The following ABTB2 variants were observed in gnomAD, a reference collection of about 807,000 sequenced individuals.
ABTB2 encodes ankyrin repeat and BTB/POZ domain-containing protein 2.
In ABTB2, 56 loss-of-function variants were observed where a neutral mutation model predicts 104.1. The ratio of observed to expected loss-of-function variants is 0.54; its 90% CI spans 0.43 to 0.67. The LOEUF (loss-of-function observed/expected upper bound fraction) is 0.67. ABTB2 is among the 30% of genes least tolerant of loss of function. The pLI, the probability that ABTB2 is intolerant of heterozygous loss-of-function variation, is 0.00. For missense variants in ABTB2, 1,279 were observed against 1,407.7 expected, an observed-to-expected ratio of 0.91 and a Z score of 1.46; for synonymous variants, 606 against 608.2, an observed-to-expected ratio of 1.00 and a Z score of 0.05.
intron 1 of ABTB2, among the ~76,000 whole-genome samples, chr11:34,275,923 C>T (rs1439580148): frequency 1.3e-5 from 2 of 152,184 alleles, no homozygotes; most frequent in South Asian, 2.1e-4. Context: ...AGACAGCTGT[C>T]GTCCTGGAAG....
chr11:34,208,729 C>A (rs922736482), intron 1 of ABTB2, among the ~76,000 whole-genome samples: 3 of 152,082 alleles, frequency 2.0e-5, no homozygotes, highest in African/African-American at 7.2e-5. Flanking sequence ...GCACCGTGGC[C>A]ACCCGGTTGC....
intron 1 of ABTB2, among the ~76,000 whole-genome samples, chr11:34,349,155 G>A (rs1350410412): frequency 2.6e-5 from 4 of 152,206 alleles, no homozygotes; most frequent in Admixed American, 2.6e-4. Context: ...TGACAGGCCA[G>A]CAAAACACAA....
At chr11:34,172,362 ACT>A (rs1327778703) in intron 4 of ABTB2, among the ~76,000 whole-genome samples, 4 of 126,498 alleles carry the variant, frequency 3.2e-5, no homozygotes, top group Non-Finnish European at 4.9e-5. Context: ...ACAGAGTGAA[ACT>A]CTGTCTCAAA....
intron 1 of ABTB2, among the ~76,000 whole-genome samples, chr11:34,321,731 C>T (rs147095571): frequency 2.0e-5 from 3 of 152,312 alleles, no homozygotes; most frequent in Admixed American, 6.5e-5. Flanking sequence ...TGGCAGCTGC[C>T]GCAGCTCTAG....
chr11:34,236,054 G>T (rs1477918760), intron 1 of ABTB2, among the ~76,000 whole-genome samples: 1 of 152,172 alleles, frequency 6.6e-6, no homozygotes, highest in East Asian at 1.9e-4. Context: ...GTGGACATCG[G>T]GTGCAGGCTG....
At chr11:34,339,707 C>T (rs1855239443) in intron 1 of ABTB2, among the ~76,000 whole-genome samples, 1 of 152,106 alleles carries the variant, frequency 6.6e-6, no homozygotes, top group Admixed American at 6.5e-5. Flanking sequence ...GTTTAAACTC[C>T]TCTCTTGTAA....
At chr11:34,225,808 G>C (rs189930509) in intron 1 of ABTB2, among the ~76,000 whole-genome samples, 1 of 152,186 alleles carries the variant, frequency 6.6e-6, no homozygotes, top group African/African-American at 2.4e-5. Flanking sequence ...GGTGGGCAGA[G>C]AAAAGGAGAA....
intron 1 of ABTB2, among the ~76,000 whole-genome samples, chr11:34,284,596 A>G (rs1158030181): frequency 6.6e-6 from 1 of 152,180 alleles, no homozygotes; most frequent in Admixed American, 6.5e-5. Context: ...AGTGGAAGAC[A>G]GAGGTGAGGA....
At chr11:34,318,097 G>A (rs1439263679) in intron 1 of ABTB2, among the ~76,000 whole-genome samples, 3 of 152,024 alleles carry the variant, frequency 2.0e-5, no homozygotes, top group African/African-American at 7.2e-5. Context: ...CTCCCAAGTA[G>A]CTGGGACTAC....
At chr11:34,242,252 C>G (rs1415274611) in intron 1 of ABTB2, among the ~76,000 whole-genome samples, 1 of 152,220 alleles carries the variant, frequency 6.6e-6, no homozygotes, top group African/African-American at 2.4e-5. Flanking sequence ...TAGCCACACC[C>G]TCCTGATCTA....
rs141511429 is a variant in ABTB2 at position 34,326,990 on chromosome 11, G to A, written c.883+29711C>T. On this transcript the variant is annotated intron_variant, in intron 1 of 16. Transcript: ENST00000435224. ...TACCCAGGAGGCTGACAGGAGAATC[G>A]CTTAAACCCGGGAGGTGGAGGTTGC... is the stretch of plus-strand genomic sequence containing the variant. Among the ~76,000 whole-genome samples, 1,084 of 152,106 alleles carry A rather than the reference G, an allele frequency of 7.1e-3. 8 individuals are homozygous for A. The highest frequency in any genetic ancestry group is 0.025 in the African/African-American group (1,033 of 41,472).
chr11:34,164,747 T>G lies in ABTB2; in HGVS notation c.1927A>C (p.Met643Leu). The G allele has an allele frequency of 6.4e-7, 1 of 1,558,018 alleles. No individual in the cohort carries two copies. Among genetic ancestry groups the G allele is most frequent in the Non-Finnish European group, 8.6e-7 (1 of 1,162,050 alleles). Residue 643 changes from methionine to leucine, a missense_variant, in exon 9 of 17, where the codon ATG becomes CTG. Met to Leu is a conservative substitution (Grantham distance 15). Coordinates refer to ENST00000435224, the MANE Select transcript of ABTB2 (RefSeq NM_145804.3). ...PLLSMLEAHG[M>L]GSSLHEDMNC... Reference sequence around the variant, plus strand: ...ATGTCCTCGTGGAGGGAGGAGCCCATGCCGTGGGCCTCCAGCATGCTGAGG... The same window carrying G: ...ATGTCCTCGTGGAGGGAGGAGCCCAGGCCGTGGGCCTCCAGCATGCTGAGG...
intron 1 of ABTB2, among the ~76,000 whole-genome samples, chr11:34,351,250 TAAACTCTTCTGAGC>T (rs6144297): frequency 0.16 from 23,596 of 152,030 alleles, 3,156 homozygotes; most frequent in African/African-American, 0.35. Context: ...GACACAGATG[TAAACTCTTCTGAGC>T]AATAGTCATC....
At chr11:34,297,193 G>T (rs1031068349) in intron 1 of ABTB2, among the ~76,000 whole-genome samples, 25 of 152,134 alleles carry the variant, frequency 1.6e-4, no homozygotes, top group African/African-American at 5.1e-4. Flanking sequence ...CACACAGTAG[G>T]TGTTCCACGG....
At chr11:34,287,630 T>G (rs1289751437) in intron 1 of ABTB2, among the ~76,000 whole-genome samples, 1 of 152,240 alleles carries the variant, frequency 6.6e-6, no homozygotes, top group Admixed American at 6.5e-5. Flanking sequence ...ATAGACCTAC[T>G]TCTTCAGAAA....
Position 34,356,622 on chromosome 11 carries a change from C to T in ABTB2, c.883+79G>A. On this transcript the variant is annotated intron_variant, in intron 1 of 16. Coordinates refer to ENST00000435224, the MANE Select transcript of ABTB2 (RefSeq NM_145804.3). This position sits in a 1 kb window ranked among gnomAD's most constrained non-coding sequence, Gnocchi z 4.6. ...ACTGGCACAGCCACCAGCTTTGTCTCAGGAAATTCACTCCCCCAGTAGCCC... is the reference window on the plus strand; with the variant it reads ...ACTGGCACAGCCACCAGCTTTGTCTTAGGAAATTCACTCCCCCAGTAGCCC... 6.9e-7 allele frequency: 1 copy of T among 1,450,390 alleles called. No homozygotes were observed. Among genetic ancestry groups the T allele is most frequent in the Non-Finnish European group, 9.2e-7 (1 of 1,092,868 alleles). The allele number at this position is 1,450,390 out of a possible 1,614,324, so 89.8% of individuals were successfully genotyped here. A position where few individuals can be genotyped will look rare whatever the true frequency, so the allele number is the denominator to read the frequency against.
intron 3 of ABTB2, among the ~76,000 whole-genome samples, chr11:34,183,940 G>A (rs1853061175): frequency 6.6e-6 from 1 of 152,132 alleles, no homozygotes; most frequent in African/African-American, 2.4e-5. Context: ...AAAACGGGGA[G>A]TTTTCCTCTG....
At chr11:34,234,857 TATTTA>T (rs1419768290) in intron 1 of ABTB2, among the ~76,000 whole-genome samples, 1 of 152,134 alleles carries the variant, frequency 6.6e-6, no homozygotes, top group Non-Finnish European at 1.5e-5. Context: ...TTATTTTATT[TATTTA>T]TTTATTTATT....
intron 1 of ABTB2, among the ~76,000 whole-genome samples, chr11:34,220,931 C>T (rs1565144534): frequency 1.3e-5 from 2 of 151,888 alleles, no homozygotes; most frequent in South Asian, 2.1e-4. Context: ...TCTCTGTCTA[C>T]GTCTTCACAT....
Sources: allele counts gnomAD v4.1 joint callset (sites outside exome capture counted in the v4.1 genomes callset), GRCh38; gene constraint gnomAD v4.1.1; non-coding constraint Gnocchi (gnomAD v3.1); transcripts MANE v1.5; gene names NCBI Gene and HGNC (gene_info 2026-07-23, HGNC 2026-07-21).